Variants in SLC22A9 observed in about 807,000 individuals in gnomAD.
SLC22A9 encodes organic anion transporter 7.
A neutral mutation model predicts 50.1 loss-of-function variants in SLC22A9; 64 were observed. The observed-to-expected ratio is 1.28, with a 90% confidence interval of 1.04 to 1.57. The LOEUF is 1.57. Ranked by LOEUF, SLC22A9 falls within the 40% of genes most tolerant of loss-of-function variation. The pLI is 0.00. For synonymous variants in SLC22A9, 261 were observed against 242.5 expected, an observed-to-expected ratio of 1.08 and a Z score of -0.71; for missense variants, 757 against 676.1, an observed-to-expected ratio of 1.12 and a Z score of -1.33.
chr11:63,406,973 A>T (rs1044064403), intron 7 of SLC22A9, among the ~76,000 whole-genome samples: 1 of 152,234 alleles, frequency 6.6e-6, no homozygotes, highest in African/African-American at 2.4e-5. Context: ...TATTTCTGAC[A>T]GTTTCTCTAC....
chr11:63,408,218 C>T lies in SLC22A9; in HGVS notation c.1395C>T (p.Ile465=). Reference sequence around the variant, plus strand: ...GAAATGAAGTAATTCCCACCATAATCAGGTACAGAACCTTAAGTATGCCCT... The same window carrying T: ...GAAATGAAGTAATTCCCACCATAATTAGGTACAGAACCTTAAGTATGCCCT... The part of the protein sequence containing the change: ...AHGNEVIPTI[I]RARAMGINAT... Residue 465 remains isoleucine, a splice_region_variant and synonymous_variant, in exon 8 of 10, where the codon ATC becomes ATT. Coordinates refer to ENST00000279178, the MANE Select transcript of SLC22A9 (RefSeq NM_080866.3). The T allele has an allele frequency of 1.2e-6, 2 of 1,612,690 alleles. No homozygotes were observed. The highest frequency in any genetic ancestry group is 1.3e-5 in the African/African-American group (1 of 75,010).
intron 6 of SLC22A9, among the ~76,000 whole-genome samples, chr11:63,387,756 C>A (rs1031448385): frequency 1.1e-4 from 16 of 151,980 alleles, no homozygotes; most frequent in Admixed American, 7.9e-4. Context: ...ATGGACATTT[C>A]AACAATATTG....
intron 6 of SLC22A9, among the ~76,000 whole-genome samples, chr11:63,384,931 C>T (rs1291683720): frequency 1.3e-5 from 2 of 151,812 alleles, no homozygotes; most frequent in East Asian, 1.9e-4. Flanking sequence ...GCCACATGAA[C>T]GTATGCTTTT....
intron 4 of SLC22A9, among the ~76,000 whole-genome samples, chr11:63,374,571 G>A (rs1412595479): frequency 6.6e-6 from 1 of 152,060 alleles, no homozygotes; most frequent in African/African-American, 2.4e-5. Context: ...CATGACATGG[G>A]GAATAGCAAT....
Position 63,382,269 on chromosome 11 carries a change from C to G in SLC22A9, c.1065C>G (p.Ser355=). Residue 355 remains serine, a synonymous_variant, in exon 6 of 10, where the codon TCC becomes TCG. Coordinates refer to ENST00000279178, the MANE Select transcript of SLC22A9 (RefSeq NM_080866.3). ...TATGTAAAAGGATCTCCCTCCTGTC[C>G]TTTACGAGGTAAGCTTCATGCAGTG... is the stretch of plus-strand genomic sequence containing the variant. ...PNICKRISLL[S]FTRFANFMAY... 1.2e-6 allele frequency: 2 copies of G among 1,604,330 alleles called. No individual in the cohort carries two copies. The highest frequency in any genetic ancestry group is 1.7e-6 in the Non-Finnish European group (2 of 1,176,484).
In SLC22A9 at chr11:63,369,933, AAG is replaced by A. The variant is rs1015298642; in HGVS notation, c.-119_-118del. On this transcript the variant is annotated 5_prime_UTR_variant, in exon 1 of 10. Coordinates refer to ENST00000279178, the MANE Select transcript of SLC22A9 (RefSeq NM_080866.3). ...GCAGAGGGGAAGCACAGTCGTCAAG[AAG>A]AGAGTGGGGTCAGGATCAAAACACA... 53 of 986,204 alleles carry A rather than the reference AAG, an allele frequency of 5.4e-5. No individual in the cohort carries two copies. Among genetic ancestry groups the A allele is most frequent in the Non-Finnish European group, 7.0e-5 (48 of 684,354 alleles). The allele number at this position is 986,204 out of a possible 1,614,324, so 61.1% of individuals were successfully genotyped here. A position where few individuals can be genotyped will look rare whatever the true frequency, so the allele number is the denominator to read the frequency against.
At chr11:63,397,302 C>A (rs1246914614) in intron 6 of SLC22A9, among the ~76,000 whole-genome samples, 1 of 152,198 alleles carries the variant, frequency 6.6e-6, no homozygotes, top group Non-Finnish European at 1.5e-5. Context: ...GTGGCCACCA[C>A]CACTGGAACT....
chr11:63,399,664 C>T (rs1052902556), intron 6 of SLC22A9, among the ~76,000 whole-genome samples: 10 of 152,200 alleles, frequency 6.6e-5, no homozygotes, highest in South Asian at 2.1e-4. Flanking sequence ...AAAAAAGAAA[C>T]ATTGGACTTT....
Position 63,386,163 on chromosome 11 carries a change from CT to C in SLC22A9, c.1073+3892del, listed in dbSNP as rs1423736085. On this transcript the variant is annotated intron_variant, in intron 6 of 9. Coordinates refer to ENST00000279178, the MANE Select transcript of SLC22A9 (RefSeq NM_080866.3). ...AGCCGACTTCATCGGGGTTAATAAG[CT>C]TTTTTGTGTGCTGCTGGATTCAGTT... Among the ~76,000 whole-genome samples the C allele has an allele frequency of 4.6e-5, 7 of 152,160 alleles. No individual in the cohort carries two copies. In the East Asian group the frequency reaches 1.2e-3, roughly 25 times the overall value.
intron 6 of SLC22A9, among the ~76,000 whole-genome samples, chr11:63,390,248 C>G (rs1382396453): frequency 6.6e-6 from 1 of 152,152 alleles, no homozygotes; most frequent in Non-Finnish European, 1.5e-5. Flanking sequence ...GAAGTCCTTG[C>G]CCATGCCTAT....
At chr11:63,383,076 C>T (rs992512439) in intron 6 of SLC22A9, among the ~76,000 whole-genome samples, 18 of 152,102 alleles carry the variant, frequency 1.2e-4, no homozygotes, top group African/African-American at 4.1e-4. Flanking sequence ...ATGGAACTTG[C>T]ATATTTGGAT....
intron 6 of SLC22A9, among the ~76,000 whole-genome samples, chr11:63,396,489 G>A (rs897493092): frequency 1.6e-4 from 25 of 152,130 alleles, no homozygotes; most frequent in African/African-American, 5.8e-4. Context: ...CGTGTTCAGG[G>A]GTGGAGGATC....
At chr11:63,402,595 G>T (rs1051930291) in intron 6 of SLC22A9, among the ~76,000 whole-genome samples, 1 of 151,270 alleles carries the variant, frequency 6.6e-6, no homozygotes, top group Non-Finnish European at 1.5e-5. Context: ...TTGGCTATTT[G>T]AGCTCCACTG....
At chr11:63,390,002 C>A (rs1168128650) in intron 6 of SLC22A9, among the ~76,000 whole-genome samples, 1 of 152,054 alleles carries the variant, frequency 6.6e-6, no homozygotes, top group Non-Finnish European at 1.5e-5. Flanking sequence ...CTGTTGATAT[C>A]CTTTGCCCAC....
chr11:63,406,999 C>G (rs2015052867), intron 7 of SLC22A9, among the ~76,000 whole-genome samples: 1 of 152,212 alleles, frequency 6.6e-6, no homozygotes, highest in African/African-American at 2.4e-5. Flanking sequence ...CAATCAATTA[C>G]TTACTCTTTG....
At chr11:63,395,813 A>G (rs2014844438) in intron 6 of SLC22A9, among the ~76,000 whole-genome samples, 1 of 152,086 alleles carries the variant, frequency 6.6e-6, no homozygotes, top group Admixed American at 6.6e-5. Context: ...GGGTAGGAAA[A>G]GGCTATCAGG....
At chr11:63,406,148 T>A (rs1032885726) in intron 6 of SLC22A9, among the ~76,000 whole-genome samples, 39 of 152,184 alleles carry the variant, frequency 2.6e-4, no homozygotes, top group African/African-American at 9.2e-4. Context: ...GGTAGTATTA[T>A]ACTTTTGTCT....
chr11:63,383,064 T>C (rs2014594413), intron 6 of SLC22A9, among the ~76,000 whole-genome samples: 1 of 152,146 alleles, frequency 6.6e-6, no homozygotes, highest in Admixed American at 6.5e-5. Flanking sequence ...CTCAGAGCAC[T>C]TATGGAACTT....
chr11:63,371,576 G>A (rs1245995814), intron 2 of SLC22A9, among the ~76,000 whole-genome samples: 1 of 152,174 alleles, frequency 6.6e-6, no homozygotes, highest in Non-Finnish European at 1.5e-5. Context: ...GCCTTGGCCA[G>A]GAGTACCAGG....
Sources: gnomAD v4.1 joint callset for allele counts (sites outside exome capture counted in the v4.1 genomes callset) on GRCh38, gnomAD v4.1.1 for gene constraint, MANE v1.5 for transcripts, NCBI Gene and HGNC (gene_info 2026-07-23, HGNC 2026-07-21) for gene names.